ROR2: variants seen among roughly 807,000 people sequenced by gnomAD.
ROR2 encodes the protein ROR family WNT receptor 2, also known as tyrosine-protein kinase transmembrane receptor ROR2.
ROR2 carries 33 observed loss-of-function variants against 74.9 expected under a neutral mutation model. The ratio of observed to expected loss-of-function variants is 0.44; its 90% CI spans 0.33 to 0.59. ROR2 has a LOEUF of 0.59. ROR2 is among the 20% of genes least tolerant of loss of function. ROR2 has a pLI of 0.02. For synonymous variants in ROR2, 586 were observed against 558.7 expected (o/e 1.05, Z -0.69); for missense variants, 1,216 against 1,313.8 (o/e 0.93, Z 1.15).
chr9:91,813,490 G>A (rs1332992415), intron 1 of ROR2, among the ~76,000 whole-genome samples: 1 of 152,200 alleles, frequency 6.6e-6, no homozygotes, highest in African/African-American at 2.4e-5. Flanking sequence ...CCCACTGGGT[G>A]GAAGGAGCCA....
chr9:91,793,339 T>C (rs1272327750), intron 1 of ROR2, among the ~76,000 whole-genome samples: 1 of 151,654 alleles, frequency 6.6e-6, no homozygotes, highest in Non-Finnish European at 1.5e-5. Context: ...AGATGAAGGA[T>C]GAATCCATAA....
intron 1 of ROR2, among the ~76,000 whole-genome samples, chr9:91,795,184 G>C (rs1827127329): frequency 6.6e-6 from 1 of 152,052 alleles, no homozygotes. Flanking sequence ...ATATGTAGCT[G>C]CATTTAGATT....
intron 1 of ROR2, among the ~76,000 whole-genome samples, chr9:91,814,369 C>A (rs773726088): frequency 2.0e-5 from 3 of 152,140 alleles, no homozygotes; most frequent in Admixed American, 6.5e-5. Flanking sequence ...TCAGAGGCCA[C>A]GCACTCTAGC....
chr9:91,732,950 TG>T (rs1167952097), intron 6 of ROR2, among the ~76,000 whole-genome samples, 171 bp downstream of exon 6: 1 of 152,220 alleles, frequency 6.6e-6, no homozygotes, highest in African/African-American at 2.4e-5. Context: ...AGGCCCCGCC[TG>T]CTGCCCTGCT....
intron 1 of ROR2, among the ~76,000 whole-genome samples, chr9:91,807,073 C>T (rs1380619317): frequency 1.3e-5 from 2 of 152,188 alleles, no homozygotes; most frequent in African/African-American, 4.8e-5. Flanking sequence ...AGAAGGGGTC[C>T]TGCCCCCTAC....
intron 1 of ROR2, among the ~76,000 whole-genome samples, chr9:91,796,288 CTG>C (rs1476380307): frequency 2.6e-5 from 4 of 151,966 alleles, no homozygotes; most frequent in Non-Finnish European, 5.9e-5. Context: ...CAAAAATTAG[CTG>C]GGCATGGTGA....
chr9:91,793,845 T>C (rs1827085070), intron 1 of ROR2, among the ~76,000 whole-genome samples: 1 of 151,412 alleles, frequency 6.6e-6, no homozygotes, highest in Non-Finnish European at 1.5e-5. Flanking sequence ...AAAACTACAG[T>C]GCTAATTAAA....
chr9:91,733,070 G>C lies in ROR2; in HGVS notation c.937+52C>G. 2 of 1,506,454 alleles carry C rather than the reference G, an allele frequency of 1.3e-6. No homozygotes were observed. The highest frequency in any genetic ancestry group is 1.8e-6 in the Non-Finnish European group (2 of 1,119,178). 93.3% of individuals were successfully genotyped at this position (1,506,454 alleles called of 1,614,324 possible). ...CGACACCCCCATACACATTTCAAGG[G>C]CCCTACACTCCCTGCGCCCCCCGGT... On this transcript the variant is annotated intron_variant, in intron 6 of 8. Transcript: ENST00000375708. The surrounding 1 kb of genome is among the most constrained non-coding windows in gnomAD (Gnocchi z 5.7).
chr9:91,723,857 G>C lies in ROR2; in HGVS notation c.2637C>G (p.Ser879=). The C allele has an allele frequency of 6.2e-7, 1 of 1,614,070 alleles. No homozygotes were observed. The highest frequency in any genetic ancestry group is 8.5e-7 in the Non-Finnish European group (1 of 1,180,022). The change falls in exon 9 of 9, where the codon TCC becomes TCG. Residue 879 remains serine (S), a synonymous_variant. Transcript: ENST00000375708. ...TSTGYVTTAP[S]NTSMADRAAL... ...CTGCCCTGTCTGCCATGGATGTGTT[G>C]GAGGGGGCCGTGGTGACGTAGCCTG...
At chr9:91,735,615 T>A (rs1824993386) in intron 5 of ROR2, among the ~76,000 whole-genome samples, 11 of 5,438 alleles carry the variant, frequency 2.0e-3, no homozygotes, top group African/African-American at 8.0e-3. Flanking sequence ...ACTTTTTTTT[T>A]TTTTTTTTTT....
chr9:91,783,831 C>A (rs752588392), intron 1 of ROR2, among the ~76,000 whole-genome samples: 1 of 152,162 alleles, frequency 6.6e-6, no homozygotes, highest in Non-Finnish European at 1.5e-5. Context: ...CCACGCACAT[C>A]GTGCTCACAA....
intron 1 of ROR2, among the ~76,000 whole-genome samples, chr9:91,942,545 T>C (rs559960039): frequency 1.9e-4 from 29 of 152,218 alleles, no homozygotes; most frequent in Non-Finnish European, 2.8e-4. Context: ...GTTGGCACTT[T>C]GCTCTAGGAA....
intron 1 of ROR2, among the ~76,000 whole-genome samples, chr9:91,828,117 T>C (rs1459844998): frequency 6.6e-6 from 1 of 152,268 alleles, no homozygotes; most frequent in African/African-American, 2.4e-5. Context: ...AGAACTGACA[T>C]CTTTAAAACA....
chr9:91,816,357 A>C (rs1827933218), intron 1 of ROR2, among the ~76,000 whole-genome samples: 1 of 152,020 alleles, frequency 6.6e-6, no homozygotes, highest in Admixed American at 6.6e-5. Flanking sequence ...ACTAAGCTCC[A>C]AATCTTCACC....
chr9:91,921,001 G>A (rs1454711980), intron 1 of ROR2, among the ~76,000 whole-genome samples: 2 of 152,252 alleles, frequency 1.3e-5, no homozygotes, highest in Non-Finnish European at 2.9e-5. Context: ...GACAGCTTGT[G>A]TGCAGTATCA....
intron 1 of ROR2, 112 bp from the exon 2 acceptor site, chr9:91,775,930 G>A (rs1345588196): frequency 1.2e-5 from 10 of 837,848 alleles, no homozygotes; most frequent in Middle Eastern, 4.6e-4. Flanking sequence ...AGTATTTGTA[G>A]AAAACACAGA....
At chr9:91,861,350 T>G (rs149770333) in intron 1 of ROR2, among the ~76,000 whole-genome samples, 1 of 152,088 alleles carries the variant, frequency 6.6e-6, no homozygotes, top group Non-Finnish European at 1.5e-5. Flanking sequence ...AGGAACTAAG[T>G]TGGAGGACTC....
At chr9:91,883,728 C>T (rs1830186930) in intron 1 of ROR2, among the ~76,000 whole-genome samples, 1 of 152,216 alleles carries the variant, frequency 6.6e-6, no homozygotes, top group African/African-American at 2.4e-5. Context: ...AAACAAGAAA[C>T]ACACCCCACC....
intron 1 of ROR2, among the ~76,000 whole-genome samples, chr9:91,921,509 C>T (rs1831261880): frequency 6.6e-6 from 1 of 152,190 alleles, no homozygotes; most frequent in South Asian, 2.1e-4. Context: ...AGCCGCAGGC[C>T]TCTTTGTGTC....
Sources: gnomAD v4.1 joint callset for allele counts (sites outside exome capture counted in the v4.1 genomes callset) on GRCh38, gnomAD v4.1.1 for gene constraint, Gnocchi (gnomAD v3.1) non-coding constraint, MANE v1.5 for transcripts, NCBI Gene and HGNC (gene_info 2026-07-23, HGNC 2026-07-21) for gene names.